The following MAPK14 variants were observed in gnomAD, a reference collection of about 807,000 sequenced individuals.
MAPK14 encodes mitogen-activated protein kinase 14.
A neutral mutation model predicts 49.6 loss-of-function variants in MAPK14; 16 were observed. The ratio of observed to expected loss-of-function variants is 0.32; its 90% CI spans 0.22 to 0.49. The LOEUF (loss-of-function observed/expected upper bound fraction) is 0.49. Among genes scored for constraint, MAPK14 ranks in the 20% least tolerant of loss-of-function variants. The pLI is 0.99. For missense variants in MAPK14, 200 were observed against 441.2 expected (o/e 0.45, Z 4.90); for synonymous variants, 142 against 158.0 (o/e 0.90, Z 0.76).
intron 9 of MAPK14, among the ~76,000 whole-genome samples, chr6:36,099,782 T>C (rs1176187702): frequency 6.6e-6 from 1 of 152,228 alleles, no homozygotes; most frequent in Admixed American, 6.5e-5. Context: ...ATATGTTGGA[T>C]ATTTTATTTT....
chr6:36,083,379 G>A (rs564406331), intron 8 of MAPK14, among the ~76,000 whole-genome samples: 1 of 152,330 alleles, frequency 6.6e-6, no homozygotes, highest in African/African-American at 2.4e-5. Context: ...TGCCACCAGG[G>A]CCTTGGGTCC....
chr6:36,054,484 T>G (rs546717176), intron 2 of MAPK14, among the ~76,000 whole-genome samples: 5 of 152,378 alleles, frequency 3.3e-5, no homozygotes, highest in East Asian at 1.9e-4. Context: ...ATAAGTGGCT[T>G]GCTTACTAGC....
Position 36,111,046 on chromosome 6 carries a change from G to A in MAPK14, c.*2599G>A, listed in dbSNP as rs1043182904. ...AGTGTAAGAGTGGCCGAAATGACAG[G>A]GCTCAGCAGACTGTGGCCTGAGGGC... is the stretch of plus-strand genomic sequence containing the variant. On this transcript the variant is annotated 3_prime_UTR_variant, in exon 12 of 12. Transcript: ENST00000229794. 6.6e-6 allele frequency: 1 copy of A among 152,206 alleles called. No individual in the cohort carries two copies. The highest frequency in any genetic ancestry group is 1.5e-5 in the Non-Finnish European group (1 of 68,030). 9.4% of individuals were successfully genotyped at this position (152,206 alleles called of 1,614,324 possible).
intron 8 of MAPK14, among the ~76,000 whole-genome samples, chr6:36,079,296 C>G (rs144918795): frequency 3.1e-4 from 47 of 152,282 alleles, no homozygotes; most frequent in Middle Eastern, 3.4e-3. Context: ...CAGAACTCCT[C>G]TTTAAAAAAC....
At chr6:36,067,981 T>C (rs1245063967) in intron 3 of MAPK14, among the ~76,000 whole-genome samples, 1 of 152,102 alleles carries the variant, frequency 6.6e-6, no homozygotes. Flanking sequence ...AAAAGGAAAT[T>C]ACATAGTCTG....
intron 1 of MAPK14, among the ~76,000 whole-genome samples, chr6:36,045,696 C>T (rs1763147311): frequency 1.3e-5 from 2 of 151,372 alleles, no homozygotes. Flanking sequence ...GTAGTCCCAG[C>T]TGCTGGGGAG....
At chr6:36,051,639 G>T (rs1165719613) in intron 1 of MAPK14, among the ~76,000 whole-genome samples, 1 of 152,160 alleles carries the variant, frequency 6.6e-6, no homozygotes, top group African/African-American at 2.4e-5. Flanking sequence ...AGATAGCAGA[G>T]TCAAGTGGTC....
At chr6:36,117,519 C>T in the MAPK14 span, among the ~76,000 whole-genome samples, 2 of 152,212 alleles carry the variant, frequency 1.3e-5, no homozygotes, top group Admixed American at 1.3e-4. Flanking sequence ...CTTCTGCATG[C>T]ACCCTGTAAT....
rs748836123 is a variant in MAPK14, at chr6:36,108,397, G to A, written c.1033G>A (p.Val345Ile). The A allele has an allele frequency of 1.2e-6, 2 of 1,613,926 alleles. No homozygotes were observed. Among genetic ancestry groups the A allele is most frequent in the Non-Finnish European group, 1.7e-6 (2 of 1,179,850 alleles). The part of the protein sequence containing the change: ...DEWKSLTYDE[V>I]ISFVPPPLDQ... ...ATTTCTAGGCCTGACCTATGATGAAGTCATCAGCTTTGTGCCACCACCCCT... is the reference window on the plus strand; with the variant it reads ...ATTTCTAGGCCTGACCTATGATGAAATCATCAGCTTTGTGCCACCACCCCT... The change falls in exon 12 of 12, where the codon GTC becomes ATC. Residue 345 changes from valine (V) to isoleucine (I), a missense_variant. Coordinates refer to ENST00000229794, the MANE Select transcript of MAPK14 (RefSeq NM_139012.3).
At chr6:36,032,497 A>C (rs759953149) in intron 1 of MAPK14, among the ~76,000 whole-genome samples, 1 of 152,222 alleles carries the variant, frequency 6.6e-6, no homozygotes, top group African/African-American at 2.4e-5. Flanking sequence ...AGGAAATACA[A>C]ACAGGAACTT....
chr6:36,052,652 T>G lies in MAPK14; in HGVS notation c.117-47T>G. The G allele has an allele frequency of 1.9e-6, 3 of 1,556,800 alleles. No homozygotes were observed. In the East Asian group the frequency reaches 6.9e-5, roughly 36 times the overall value. Reference sequence around the variant, plus strand: ...CCTTATAAATACCCCAAAATAATATTTAGAACAGCTTTTTAATGGTGGGTT... The same window carrying G: ...CCTTATAAATACCCCAAAATAATATGTAGAACAGCTTTTTAATGGTGGGTT... On this transcript the variant is annotated intron_variant, in intron 1 of 11. Coordinates refer to ENST00000229794, the MANE Select transcript of MAPK14 (RefSeq NM_139012.3).
rs527768975 is a variant in MAPK14 at position 36,034,921 on chromosome 6, C to T, written c.116+6648C>T. 1.2e-3 allele frequency among the ~76,000 whole-genome samples: 151 copies of T among 125,226 alleles called. 3 individuals carry two copies. The highest frequency in any genetic ancestry group is 4.6e-3 in the African/African-American group (140 of 30,588). 82.2% of individuals were successfully genotyped at this position (125,226 alleles called of 152,430 possible). A position where few individuals can be genotyped will look rare whatever the true frequency, so the allele number is the denominator to read the frequency against. On this transcript the variant is annotated intron_variant, in intron 1 of 11. Coordinates refer to ENST00000229794, the MANE Select transcript of MAPK14 (RefSeq NM_139012.3). ...TCTTTTTTTTTTTTTTTTTTTGAGA[C>T]GGAGTTCTGCTCTGTCGCCCAGACT...
intron 8 of MAPK14, among the ~76,000 whole-genome samples, chr6:36,087,286 G>T (rs927440284): frequency 1.3e-5 from 2 of 152,064 alleles, no homozygotes; most frequent in African/African-American, 4.8e-5. Flanking sequence ...TTCTGGCCAG[G>T]GCAATCAGGC....
chr6:36,113,225 C>G (rs1187329514), downstream of MAPK14, among the ~76,000 whole-genome samples: 2 of 151,542 alleles, frequency 1.3e-5, no homozygotes, highest in Non-Finnish European at 2.9e-5. Context: ...CCTTGTAGTC[C>G]CAGCTGCTTG....
At chr6:36,073,649 A>G (rs747668275) in intron 4 of MAPK14, 42 bp from the exon 5 acceptor site, 23 of 1,525,606 alleles carry the variant, frequency 1.5e-5, no homozygotes, top group African/African-American at 2.7e-5. Flanking sequence ...TAATATGACA[A>G]TAGAAGGTTG....
intron 1 of MAPK14, among the ~76,000 whole-genome samples, chr6:36,034,746 T>C (rs1174907123): frequency 6.6e-6 from 1 of 151,780 alleles, no homozygotes. Context: ...CGTTTTATTA[T>C]GCTTCACAGA....
At chr6:36,030,445 T>A (rs1013830365) in intron 1 of MAPK14, among the ~76,000 whole-genome samples, 3 of 152,156 alleles carry the variant, frequency 2.0e-5, no homozygotes, top group African/African-American at 7.2e-5. Flanking sequence ...CCCAGCACTT[T>A]GGGAGGCCGA....
intron 10 of MAPK14, among the ~76,000 whole-genome samples, chr6:36,103,830 C>T (rs1053818943): frequency 5.9e-5 from 9 of 152,148 alleles, no homozygotes; most frequent in African/African-American, 1.7e-4. Flanking sequence ...TATAATCTGC[C>T]TTCTCACTTT....
intron 1 of MAPK14, among the ~76,000 whole-genome samples, chr6:36,042,056 G>GT: frequency 6.6e-6 from 1 of 151,510 alleles, no homozygotes; most frequent in East Asian, 1.9e-4. Flanking sequence ...CATAAACCAA[G>GT]AGAATAGATA....
Sources: allele counts gnomAD v4.1 joint callset (sites outside exome capture counted in the v4.1 genomes callset), GRCh38; gene constraint gnomAD v4.1.1; transcripts MANE v1.5; gene names NCBI Gene and HGNC (gene_info 2026-07-23, HGNC 2026-07-21).